Variants in PCDHA3 observed in about 807,000 individuals in gnomAD.
PCDHA3 encodes protocadherin alpha-3.
In PCDHA3, 41 loss-of-function variants were observed where a neutral mutation model predicts 62.2. The observed-to-expected ratio is 0.66, with a 90% confidence interval of 0.51 to 0.86. The LOEUF (loss-of-function observed/expected upper bound fraction) is 0.86. Among genes scored for constraint, PCDHA3 ranks in the 40% least tolerant of loss-of-function variants. The probability of loss-of-function intolerance (pLI) is 0.00; values close to 1 mark genes in which losing one functional copy is unlikely to be tolerated. For synonymous variants in PCDHA3, 640 were observed against 555.4 expected (o/e 1.15, Z -2.14); for missense variants, 1,304 against 1,241.2 (o/e 1.05, Z -0.76).
At chr5:140,914,710 G>GT (rs1554196543) in intron 1 of PCDHA3, among the ~76,000 whole-genome samples, 1 of 151,256 alleles carries the variant, frequency 6.6e-6, no homozygotes, top group Non-Finnish European at 1.5e-5. Context: ...TTAATTTCTT[G>GT]TTTTTTATTT....
Position 140,869,675 on chromosome 5 carries a change from G to C in PCDHA3, c.2394+66084G>C, listed in dbSNP as rs1040647730. 3 of 1,613,268 alleles carry C rather than the reference G, an allele frequency of 1.9e-6. No homozygotes were observed. The South Asian group carries it at 3.3e-5, about 18-fold the overall frequency. Reference sequence around the variant, plus strand: ...CCAACAAATGGTAAGCAGATTAAAAGACTGTCACTTATTTTAAAGAAGTCT... The same window carrying C: ...CCAACAAATGGTAAGCAGATTAAAACACTGTCACTTATTTTAAAGAAGTCT... On this transcript the variant is annotated intron_variant, in intron 1 of 3. Transcript: ENST00000522353.
At chr5:140,958,586 T>A (rs561856247) in intron 1 of PCDHA3, among the ~76,000 whole-genome samples, 11 of 152,266 alleles carry the variant, frequency 7.2e-5, no homozygotes, top group African/African-American at 2.6e-4. Flanking sequence ...TAAATGAGCT[T>A]ATGATAATTG....
chr5:140,853,649 T>C (rs2042817758), intron 1 of PCDHA3: 2 of 988,760 alleles, frequency 2.0e-6, no homozygotes, highest in African/African-American at 1.8e-5. Flanking sequence ...AAATTGAGCC[T>C]GTTCCAGACA....
In PCDHA3 at chr5:140,801,625, C is replaced by A. The variant is rs1554121583; in HGVS notation, c.428C>A (p.Ser143Tyr). The A allele has an allele frequency of 6.2e-7, 1 of 1,614,074 alleles. No homozygotes were observed. The highest frequency in any genetic ancestry group is 8.5e-7 in the Non-Finnish European group (1 of 1,180,010). ...ATGGCTGTAAAGAATCTGTTTATTT[C>A]CGAATCCCGACAGCCTGGCTCTCGG... ...FPMAVKNLFISESRQPGSRFS... is the reference protein window; with the variant it reads ...FPMAVKNLFIYESRQPGSRFS... Residue 143 changes from serine to tyrosine, a missense_variant, in exon 1 of 4, where the codon TCC becomes TAC. By Grantham distance (144) the Ser-to-Tyr change is moderately radical. Transcript: ENST00000522353.
Position 141,003,329 on chromosome 5 carries a change from T to C in PCDHA3, c.2543-6298T>C, listed in dbSNP as rs571160293. On this transcript the variant is annotated intron_variant, in intron 3 of 3. Transcript: ENST00000522353. ...GGCCAGCTACTTCCAGAGGGCAGGG[T>C]TTTTTGTTTGTTTGCTCTGTCACCC... Among the ~76,000 whole-genome samples the C allele has an allele frequency of 7.2e-5, 11 of 152,118 alleles. No homozygotes were observed. The South Asian group carries it at 2.3e-3, about 32-fold the overall frequency.
chr5:140,810,343 T>C (rs1416120217), intron 1 of PCDHA3: 1 of 152,252 alleles, frequency 6.6e-6, no homozygotes, highest in Non-Finnish European at 1.5e-5. Flanking sequence ...TCTCAGGTTT[T>C]TGCCTAAGAG....
chr5:140,882,100 C>T, intron 1 of PCDHA3: 1 of 1,277,590 alleles, frequency 7.8e-7, no homozygotes, highest in Non-Finnish European at 1.1e-6. Flanking sequence ...AGAACGTTTC[C>T]GCGAAGAAAG....
chr5:140,849,905 G>T (rs373526467), intron 1 of PCDHA3: 1 of 1,598,310 alleles, frequency 6.3e-7, no homozygotes, highest in Non-Finnish European at 8.6e-7. Context: ...ACAACCCGCC[G>T]GGCTGCCACA....
intron 1 of PCDHA3, chr5:140,836,073 G>A: frequency 1.2e-6 from 2 of 1,613,652 alleles, no homozygotes; most frequent in Non-Finnish European, 1.7e-6. Context: ...CAACGCGCCG[G>A]CACTGCTGGC....
intron 1 of PCDHA3, among the ~76,000 whole-genome samples, chr5:140,978,570 G>C (rs151127662): frequency 6.6e-6 from 1 of 152,196 alleles, no homozygotes; most frequent in Middle Eastern, 3.2e-3. Flanking sequence ...CTGTAATACT[G>C]AATTGGGAAT....
intron 1 of PCDHA3, chr5:140,929,227 G>A (rs141300036): frequency 6.2e-6 from 10 of 1,613,774 alleles, no homozygotes; most frequent in Admixed American, 5.0e-5. Context: ...CAATGCTGCC[G>A]ACCTGCGAAA....
chr5:140,966,947 G>C (rs782439197), intron 1 of PCDHA3: 2 of 1,603,404 alleles, frequency 1.2e-6, no homozygotes, highest in East Asian at 2.2e-5. Flanking sequence ...CGTGGGCAAC[G>C]TGGCTCGCGC....
At chr5:140,840,009 T>C (rs1322278624) in intron 1 of PCDHA3, among the ~76,000 whole-genome samples, 2 of 152,046 alleles carry the variant, frequency 1.3e-5, no homozygotes, top group Admixed American at 6.5e-5. Context: ...ACTGAGAAGA[T>C]TGGCTCATGG....
intron 1 of PCDHA3, chr5:140,862,573 G>A (rs1252034022): frequency 4.1e-6 from 2 of 484,618 alleles, no homozygotes; most frequent in East Asian, 1.1e-4. Context: ...CAATGCCCTG[G>A]CGTTCCAGCA....
At chr5:141,009,577 C>T in intron 3 of PCDHA3, 50 bp from the exon 4 acceptor site, 1 of 1,584,324 alleles carries the variant, frequency 6.3e-7, no homozygotes, top group South Asian at 1.2e-5. Flanking sequence ...AGTGTGGCAT[C>T]AAGAGCATGT....
At chr5:140,936,571 C>G (rs2153629502) in intron 1 of PCDHA3, among the ~76,000 whole-genome samples, 1 of 152,342 alleles carries the variant, frequency 6.6e-6, no homozygotes, top group African/African-American at 2.4e-5. Flanking sequence ...ATATTTTCCA[C>G]TTGTAAATCC....
chr5:140,828,181 G>T (rs782434045), intron 1 of PCDHA3: 1 of 1,614,176 alleles, frequency 6.2e-7, no homozygotes, highest in Admixed American at 1.7e-5. Flanking sequence ...GGAGCGGCCA[G>T]CTCCACTACT....
chr5:140,929,311 A>G lies in PCDHA3; in HGVS notation c.2395-49638A>G, dbSNP rs782099747. The stretch of plus-strand genomic sequence containing the variant: ...TCGGAATAGGAAAGGGGATCACGCT[A>G]ATGTCAATGCCATGGTAAGCAAATT... On this transcript the variant is annotated intron_variant, in intron 1 of 3. Coordinates refer to ENST00000522353, the MANE Select transcript of PCDHA3 (RefSeq NM_018906.3). The G allele has an allele frequency of 1.9e-6, 3 of 1,567,640 alleles. No individual in the cohort carries two copies. The South Asian group carries it at 3.5e-5, about 18-fold the overall frequency.
At position 140,832,887 on chromosome 5, in the gene PCDHA3, G is replaced by C. The variant is rs118038864; in HGVS notation, c.2394+29296G>C. Among the ~76,000 whole-genome samples, 50 of 152,256 alleles carry C rather than the reference G, an allele frequency of 3.3e-4. No homozygotes were observed. The East Asian group carries it at 9.3e-3, about 28-fold the overall frequency. Reference sequence around the variant, plus strand: ...TGTTTTACTGGTTATAAAATGGAAAGAGTTTTCCCTGGGAGAATATGGAGA... The same window carrying C: ...TGTTTTACTGGTTATAAAATGGAAACAGTTTTCCCTGGGAGAATATGGAGA... On this transcript the variant is annotated intron_variant, in intron 1 of 3. Coordinates refer to ENST00000522353, the MANE Select transcript of PCDHA3 (RefSeq NM_018906.3).
Sources: allele counts gnomAD v4.1 joint callset (sites outside exome capture counted in the v4.1 genomes callset), GRCh38; gene constraint gnomAD v4.1.1; transcripts MANE v1.5; gene names NCBI Gene and HGNC (gene_info 2026-07-23, HGNC 2026-07-21).